Variants in CACNB2 observed in about 807,000 individuals in gnomAD.
CACNB2 encodes voltage-dependent L-type calcium channel subunit beta-2.
A neutral mutation model predicts 73.3 loss-of-function variants in CACNB2; 42 were observed. That is an observed-to-expected ratio of 0.57 (90% confidence interval 0.45 to 0.74). The LOEUF is 0.74. CACNB2 is among the 30% of genes least tolerant of loss of function. The probability of loss-of-function intolerance (pLI) is 0.00; values close to 1 mark genes in which losing one functional copy is unlikely to be tolerated. For missense variants in CACNB2, 940 were observed against 853.0 expected, an observed-to-expected ratio of 1.10 and a Z score of -1.27; for synonymous variants, 348 against 310.3, an observed-to-expected ratio of 1.12 and a Z score of -1.28.
intron 2 of CACNB2, among the ~76,000 whole-genome samples, chr10:18,273,443 T>G (rs79961359): frequency 6.6e-6 from 1 of 152,136 alleles, no homozygotes; most frequent in African/African-American, 2.4e-5. Flanking sequence ...ATTTTTTTTT[T>G]GCACATACAC....
At chr10:18,405,924 C>T (rs570994664) in intron 3 of CACNB2, among the ~76,000 whole-genome samples, 4 of 151,748 alleles carry the variant, frequency 2.6e-5, no homozygotes, top group Admixed American at 6.6e-5. Flanking sequence ...CTTGCTCTCA[C>T]GTGTGCAACA....
chr10:18,275,174 A>G (rs145169988), intron 2 of CACNB2, among the ~76,000 whole-genome samples: 163 of 152,258 alleles, frequency 1.1e-3, no homozygotes, highest in African/African-American at 3.7e-3. Flanking sequence ...CTATCTGGAG[A>G]AAATGGCAGC....
At position 18,307,983 on chromosome 10, in the gene CACNB2, C is replaced by CTTTTTTTTTTTTTTTTTTTTTTTTT. The variant is rs869311555; in HGVS notation, c.214-93938_214-93914dup. Among the ~76,000 whole-genome samples the CTTTTTTTTTTTTTTTTTTTTTTTTT allele has an allele frequency of 1.4e-3, 99 of 70,242 alleles. 29 individuals carry two copies. The highest frequency in any genetic ancestry group is 1.6e-3 in the African/African-American group (27 of 16,762). The allele number at this position is 70,242 out of a possible 152,430, so 46.1% of individuals were successfully genotyped here. On this transcript the variant is annotated intron_variant, in intron 2 of 13. Coordinates refer to ENST00000324631, the MANE Select transcript of CACNB2 (RefSeq NM_201596.3). ...TTAAGTCTAAAATAATATATGCCAA[C>CTTTTTTTTTTTTTTTTTTTTTTTTT]TTTTTTTTTTTTTTTTTTTTTTTTT... is the stretch of plus-strand genomic sequence containing the variant.
intron 12 of CACNB2, 46 bp downstream of exon 12, chr10:18,536,242 C>CTTTTTTT: frequency 3.6e-6 from 1 of 281,290 alleles, no homozygotes; most frequent in South Asian, 4.4e-5. Flanking sequence ...AGAGATCAGA[C>CTTTTTTT]CTTTTTTTTT....
intron 1 of CACNB2, among the ~76,000 whole-genome samples, chr10:18,143,580 A>G (rs2030657863): frequency 6.6e-6 from 1 of 152,172 alleles, no homozygotes; most frequent in South Asian, 2.1e-4. Context: ...TTCATCTCAC[A>G]CCCATTATTT....
chr10:18,201,423 C>T (rs569055064), intron 2 of CACNB2, among the ~76,000 whole-genome samples: 11 of 152,082 alleles, frequency 7.2e-5, no homozygotes, highest in East Asian at 3.9e-4. Flanking sequence ...TACAGGCATG[C>T]GCCACCAGGT....
At position 18,432,757 on chromosome 10, in the gene CACNB2, G is replaced by T. The variant is rs1042015102; in HGVS notation, c.333+30714G>T. ...AGGCTAAGGCGGGAGGATGGCTTGA[G>T]CCAGGAGGCAGAGGTTGCAATGAGC... On this transcript the variant is annotated intron_variant, in intron 3 of 13. Coordinates refer to ENST00000324631, the MANE Select transcript of CACNB2 (RefSeq NM_201596.3). 5.3e-5 allele frequency among the ~76,000 whole-genome samples: 8 copies of T among 152,158 alleles called. No homozygotes were observed. The Middle Eastern group carries it at 0.01, about 194-fold the overall frequency.
chr10:18,402,937 G>A (rs189726213), intron 3 of CACNB2, among the ~76,000 whole-genome samples: 7 of 152,304 alleles, frequency 4.6e-5, no homozygotes, highest in Admixed American at 2.6e-4. Context: ...TCTGAGATGA[G>A]TAAAATCTAT....
At chr10:18,330,836 T>A (rs2040770818) in intron 2 of CACNB2, among the ~76,000 whole-genome samples, 1 of 150,944 alleles carries the variant, frequency 6.6e-6, no homozygotes. Context: ...GCCTGGCTGA[T>A]TTTTGTATTT....
chr10:18,321,127 T>G (rs2040383038), intron 2 of CACNB2, among the ~76,000 whole-genome samples: 1 of 152,218 alleles, frequency 6.6e-6, no homozygotes, highest in South Asian at 2.1e-4. Flanking sequence ...GAAATAGACC[T>G]TCTAGGTGAA....
intron 2 of CACNB2, among the ~76,000 whole-genome samples, chr10:18,384,406 T>C (rs2043139335): frequency 6.6e-6 from 1 of 152,148 alleles, no homozygotes. Context: ...GAAATTTTCC[T>C]TTTAAATGTC....
intron 3 of CACNB2, among the ~76,000 whole-genome samples, chr10:18,406,397 C>T (rs917515493): frequency 1.3e-5 from 2 of 152,196 alleles, no homozygotes; most frequent in African/African-American, 4.8e-5. Context: ...AGCAGCCAGA[C>T]AGGAAGCTTC....
chr10:18,174,640 G>C (rs1256192714), intron 2 of CACNB2, among the ~76,000 whole-genome samples: 12 of 152,002 alleles, frequency 7.9e-5, no homozygotes, highest in Admixed American at 7.9e-4. Context: ...CTGACCTCAA[G>C]TGATCCACCC....
chr10:18,276,681 C>T (rs890006468), intron 2 of CACNB2, among the ~76,000 whole-genome samples: 2 of 152,072 alleles, frequency 1.3e-5, no homozygotes, highest in African/African-American at 2.4e-5. Context: ...CAGGTTCAAG[C>T]GATTATCCTG....
intron 2 of CACNB2, among the ~76,000 whole-genome samples, chr10:18,345,402 A>G (rs1288293119): frequency 6.6e-6 from 1 of 152,200 alleles, no homozygotes; most frequent in Admixed American, 6.5e-5. Context: ...ATTACTACTG[A>G]AGGTGAATAT....
At position 18,401,947 on chromosome 10, in the gene CACNB2, C is replaced by T; in HGVS notation, c.237C>T (p.Ser79=). 6.2e-7 allele frequency: 1 copy of T among 1,613,894 alleles called. No homozygotes were observed. Among genetic ancestry groups the T allele is most frequent in the Non-Finnish European group, 8.5e-7 (1 of 1,179,792 alleles). Residue 79 remains serine (S), a synonymous_variant, in exon 3 of 14, where the codon AGC becomes AGT. Transcript: ENST00000324631. The part of the protein sequence containing the change: ...VRQGSADSYT[S]RPSDSDVSLE... ...AGGGTTCGGCAGACTCCTACACTAG[C>T]CGTCCATCCGATTCCGATGTATCTC...
intron 2 of CACNB2, among the ~76,000 whole-genome samples, chr10:18,242,487 T>C (rs1336609646): frequency 6.6e-6 from 1 of 152,216 alleles, no homozygotes; most frequent in Non-Finnish European, 1.5e-5. Context: ...CACATACTGT[T>C]ATTTTAAAAT....
intron 2 of CACNB2, among the ~76,000 whole-genome samples, chr10:18,304,909 C>T (rs551492159): frequency 6.6e-6 from 1 of 152,258 alleles, no homozygotes; most frequent in Non-Finnish European, 1.5e-5. Flanking sequence ...TTTATTTCCT[C>T]TGCAGAAAGA....
chr10:18,484,299 C>T (rs1484277959), intron 3 of CACNB2, among the ~76,000 whole-genome samples: 1 of 151,766 alleles, frequency 6.6e-6, no homozygotes, highest in Admixed American at 6.6e-5. Flanking sequence ...GAGGCTGAGG[C>T]AGGAGAATCA....
Sources: gnomAD v4.1 joint callset for allele counts (sites outside exome capture counted in the v4.1 genomes callset) on GRCh38, gnomAD v4.1.1 for gene constraint, MANE v1.5 for transcripts, NCBI Gene and HGNC (gene_info 2026-07-23, HGNC 2026-07-21) for gene names.